The following LRRC7 variants were observed in gnomAD, a reference collection of about 807,000 sequenced individuals.
LRRC7 encodes the protein leucine-rich repeat-containing protein 7.
LRRC7 carries 23 observed loss-of-function variants against 175.7 expected under a neutral mutation model. The ratio of observed to expected loss-of-function variants is 0.13; its 90% CI spans 0.09 to 0.19. LRRC7 has a LOEUF of 0.19. Ranked by LOEUF, LRRC7 falls within the 10% of genes least tolerant of loss-of-function variation. LRRC7 has a pLI of 1.00. For synonymous variants in LRRC7, 685 were observed against 680.9 expected (o/e 1.01, Z -0.09); for missense variants, 1,354 against 1,904.7 (o/e 0.71, Z 5.38).
chr1:69,600,962 C>T (rs1017255042), intron 1 of LRRC7, among the ~76,000 whole-genome samples: 1 of 151,912 alleles, frequency 6.6e-6, no homozygotes, highest in African/African-American at 2.4e-5. Flanking sequence ...CAGGCAGGCA[C>T]CTGCCACTAT....
chr1:69,802,088 T>C (rs540267267), intron 4 of LRRC7, among the ~76,000 whole-genome samples: 1 of 151,698 alleles, frequency 6.6e-6, no homozygotes, highest in South Asian at 2.1e-4. Flanking sequence ...ATATACTTAA[T>C]ATGATTTCAC....
Position 70,030,799 on chromosome 1 carries a change from G to GA in LRRC7, c.1995+2433dup, listed in dbSNP as rs1473737122. ...AAAAGATTACAAATGCAACTAAGGG[G>GA]AAAAAGGAAAGGTAAATATTTATTG... On this transcript the variant is annotated intron_variant, in intron 18 of 26. Coordinates refer to ENST00000651989, the MANE Select transcript of LRRC7 (RefSeq NM_001370785.2). 2.0e-5 allele frequency among the ~76,000 whole-genome samples: 3 copies of GA among 152,200 alleles called. No individual in the cohort carries two copies. In the East Asian group the frequency reaches 5.8e-4, roughly 29 times the overall value.
Position 69,781,715 on chromosome 1 carries a change from GAA to G in LRRC7, c.304-10326_304-10325del, listed in dbSNP as rs1321685433. On this transcript the variant is annotated intron_variant, in intron 3 of 26. Coordinates refer to ENST00000651989, the MANE Select transcript of LRRC7 (RefSeq NM_001370785.2). Reference sequence around the variant, plus strand: ...AGAAAGAAAGAAAGAAAGAAAGAAAGAAAGAAAGAAAGAAAGAAAGAGAGAGA... The same window carrying G: ...AGAAAGAAAGAAAGAAAGAAAGAAAGAGAAAGAAAGAAAGAAAGAGAGAGA... 7.9e-4 allele frequency among the ~76,000 whole-genome samples: 23 copies of G among 29,002 alleles called. 1 individual carries two copies. In the East Asian group the frequency reaches 9.9e-3, roughly 12 times the overall value. The allele number at this position is 29,002 out of a possible 152,430, so 19.0% of individuals were successfully genotyped here.
intron 11 of LRRC7, among the ~76,000 whole-genome samples, chr1:70,007,377 CTG>C (rs1408406775): frequency 2.0e-5 from 3 of 152,082 alleles, no homozygotes; most frequent in Non-Finnish European, 4.4e-5. Context: ...CAATCTGAAA[CTG>C]TGCAAAACAG....
rs1242892923 is a variant in LRRC7, at chr1:70,131,558, T to G, written c.*9671T>G. Among the ~76,000 whole-genome samples, 1 of 152,264 alleles carries G rather than the reference T, an allele frequency of 6.6e-6. No individual in the cohort carries two copies. The highest frequency in any genetic ancestry group is 1.5e-5 in the Non-Finnish European group (1 of 68,052). On this transcript the variant is annotated 3_prime_UTR_variant, in exon 27 of 27. Coordinates refer to ENST00000651989, the MANE Select transcript of LRRC7 (RefSeq NM_001370785.2). ...TACTTATACTATTAATATTAATTAC[T>G]CTTATTCTACCTCTGCTTTTTAATT...
intron 4 of LRRC7, among the ~76,000 whole-genome samples, chr1:69,823,541 G>GAA (rs71736470): frequency 1.6e-4 from 25 of 151,958 alleles, no homozygotes; most frequent in Admixed American, 1.2e-3. Flanking sequence ...GTGTGTGTGG[G>GAA]AAAAAAAGTG....
rs763364468 is a variant in LRRC7, at chr1:69,760,401, T to C, written c.303+8T>C. ...ATTGAAGAACTACCCAAGGTAACTT[T>C]TGACAACCTAAAATATACAATGTAA... On this transcript the variant is annotated splice_region_variant and intron_variant, in intron 3 of 26. Transcript: ENST00000651989. 3 of 1,606,146 alleles carry C rather than the reference T, an allele frequency of 1.9e-6. No homozygotes were observed. Among genetic ancestry groups the C allele is most frequent in the Non-Finnish European group, 2.6e-6 (3 of 1,173,338 alleles).
At chr1:69,854,393 C>T (rs1317127) in intron 7 of LRRC7, among the ~76,000 whole-genome samples, 1 of 152,096 alleles carries the variant, frequency 6.6e-6, no homozygotes, top group African/African-American at 2.4e-5. Flanking sequence ...GTCCTAGCTA[C>T]TTGGGAGGCA....
intron 10 of LRRC7, among the ~76,000 whole-genome samples, chr1:69,989,806 A>G (rs563341340): frequency 6.6e-6 from 1 of 152,278 alleles, no homozygotes; most frequent in East Asian, 1.9e-4. Flanking sequence ...GTGCTAAAAG[A>G]GATAAATATA....
At chr1:69,957,289 C>A (rs1650596514) in intron 8 of LRRC7, among the ~76,000 whole-genome samples, 1 of 151,774 alleles carries the variant, frequency 6.6e-6, no homozygotes, top group African/African-American at 2.4e-5. Context: ...TTCTACCAAA[C>A]ACACAACCAA....
chr1:70,068,836 C>G (rs1175266242), intron 23 of LRRC7, among the ~76,000 whole-genome samples: 1 of 152,132 alleles, frequency 6.6e-6, no homozygotes, highest in African/African-American at 2.4e-5. Flanking sequence ...CTACCTCAGC[C>G]TCTCGAGTAG....
intron 7 of LRRC7, among the ~76,000 whole-genome samples, chr1:69,849,158 T>A (rs1429179464): frequency 6.6e-6 from 1 of 151,990 alleles, no homozygotes; most frequent in East Asian, 1.9e-4. Context: ...TGAGCAAGAT[T>A]AGAAATAAAA....
At chr1:69,882,922 G>C (rs975741825) in intron 7 of LRRC7, among the ~76,000 whole-genome samples, 4 of 151,882 alleles carry the variant, frequency 2.6e-5, no homozygotes, top group Non-Finnish European at 5.9e-5. Context: ...TTTCATCCAT[G>C]TCCCTACAAA....
chr1:69,928,020 C>A (rs1647142951), intron 7 of LRRC7, among the ~76,000 whole-genome samples: 2 of 152,134 alleles, frequency 1.3e-5, no homozygotes, highest in Admixed American at 1.3e-4. Context: ...TTTCCTTCTA[C>A]CAGACAGGAC....
intron 2 of LRRC7, among the ~76,000 whole-genome samples, chr1:69,713,188 G>A (rs1384820874): frequency 6.6e-6 from 1 of 151,924 alleles, no homozygotes; most frequent in African/African-American, 2.4e-5. Context: ...TTGCTCTTAA[G>A]AAGAACTTAT....
intron 4 of LRRC7, among the ~76,000 whole-genome samples, chr1:69,801,305 T>C (rs963491326): frequency 5.3e-5 from 8 of 151,900 alleles, no homozygotes; most frequent in African/African-American, 1.4e-4. Flanking sequence ...AGTTCTTCTT[T>C]GTAGGTTTGG....
chr1:70,036,019 A>T, intron 18 of LRRC7, 102 bp from the exon 19 acceptor site: 1 of 794,152 alleles, frequency 1.3e-6, no homozygotes, highest in Non-Finnish European at 2.0e-6. Flanking sequence ...ACTGAATTCT[A>T]GAGTCACATT....
chr1:69,604,305 T>C (rs1205352758), intron 1 of LRRC7, among the ~76,000 whole-genome samples: 1 of 152,202 alleles, frequency 6.6e-6, no homozygotes, highest in African/African-American at 2.4e-5. Context: ...CAAAGTTAAA[T>C]GCTACCATTT....
In LRRC7 at chr1:69,994,303, G is replaced by A. The variant is rs143650078; in HGVS notation, c.932-258G>A. Among the ~76,000 whole-genome samples, 86 of 152,226 alleles carry A rather than the reference G, an allele frequency of 5.6e-4. 1 individual carries two copies. The East Asian group carries it at 0.015, about 27-fold the overall frequency. On this transcript the variant is annotated intron_variant, in intron 10 of 26. Coordinates refer to ENST00000651989, the MANE Select transcript of LRRC7 (RefSeq NM_001370785.2). ...TGTAGTAGTATTAGTGTCAACTGGG[G>A]TGTATGTGGAGCTGTATGTTTTGTT...
Sources: gnomAD v4.1 joint callset for allele counts (sites outside exome capture counted in the v4.1 genomes callset) on GRCh38, gnomAD v4.1.1 for gene constraint, MANE v1.5 for transcripts, NCBI Gene and HGNC (gene_info 2026-07-23, HGNC 2026-07-21) for gene names.